CDH13: variants seen among roughly 807,000 people sequenced by gnomAD.
The protein encoded by CDH13 is cadherin 13.
In CDH13, 24 loss-of-function variants were observed where a neutral mutation model predicts 63.8. The ratio of observed to expected loss-of-function variants is 0.38; its 90% CI spans 0.27 to 0.53. CDH13 has a LOEUF of 0.53. Ranked by LOEUF, CDH13 falls within the 20% of genes least tolerant of loss-of-function variation. CDH13 has a pLI of 0.85. For missense variants in CDH13, 1,049 were observed against 903.1 expected (o/e 1.16, Z -2.07); for synonymous variants, 503 against 355.3 (o/e 1.42, Z -4.67).
chr16:83,453,767 GTATC>G (rs2072947470), intron 6 of CDH13, among the ~76,000 whole-genome samples: 1 of 115,996 alleles, frequency 8.6e-6, no homozygotes, highest in Non-Finnish European at 1.9e-5. Flanking sequence ...TCTCCACCAT[GTATC>G]TGTGAGAGCT....
chr16:83,620,015 G>A (rs772194564), intron 8 of CDH13, among the ~76,000 whole-genome samples: 9 of 152,198 alleles, frequency 5.9e-5, no homozygotes, highest in East Asian at 1.9e-4. Flanking sequence ...TGGAGAGGGC[G>A]GGAGGGGCCA....
chr16:82,999,830 G>A (rs779820669), intron 2 of CDH13, among the ~76,000 whole-genome samples: 9 of 152,038 alleles, frequency 5.9e-5, no homozygotes, highest in South Asian at 2.1e-4. Flanking sequence ...CTGCCTCTGC[G>A]GTCCTTCTAA....
At position 83,486,614 on chromosome 16, in the gene CDH13, G is replaced by C. The variant is rs747208362; in HGVS notation, c.919G>C (p.Asp307His). 4 of 1,613,836 alleles carry C rather than the reference G, an allele frequency of 2.5e-6. No individual in the cohort carries two copies. The African/African-American group carries it at 5.3e-5, about 22-fold the overall frequency. ...NMFYIDPEKG[D>H]IVTVVSPALL... ...GTTCTACATCGATCCTGAGAAAGGAGACATTGTCACTGTTGTGTCACCTGC... is the reference window on the plus strand; with the variant it reads ...GTTCTACATCGATCCTGAGAAAGGACACATTGTCACTGTTGTGTCACCTGC... The change falls in exon 7 of 14, where the codon GAC becomes CAC. Residue 307 changes from aspartate (D) to histidine (H), a missense_variant. Physicochemically the swap from Asp to His is moderately conservative, Grantham distance 81. Coordinates refer to ENST00000567109, the MANE Select transcript of CDH13 (RefSeq NM_001257.5).
At chr16:83,337,417 T>C (rs1180642291) in intron 5 of CDH13, among the ~76,000 whole-genome samples, 6 of 152,074 alleles carry the variant, frequency 3.9e-5, no homozygotes, top group African/African-American at 1.4e-4. Context: ...CCTCCCATTC[T>C]CAGGACTCAG....
chr16:83,464,558 C>G (rs1370707597), intron 6 of CDH13, among the ~76,000 whole-genome samples: 2 of 151,964 alleles, frequency 1.3e-5, no homozygotes, highest in Non-Finnish European at 2.9e-5. Flanking sequence ...TGGGATTTCA[C>G]CACATTGGCC....
chr16:83,166,341 A>G (rs9927414), intron 4 of CDH13, among the ~76,000 whole-genome samples: 2,462 of 152,212 alleles, frequency 0.016, 79 homozygotes, highest in African/African-American at 0.056. Flanking sequence ...GGGCTTAAGC[A>G]GAAATGGGCT....
At chr16:83,751,701 G>C (rs1913100439) in intron 11 of CDH13, among the ~76,000 whole-genome samples, 1 of 152,200 alleles carries the variant, frequency 6.6e-6, no homozygotes, top group Non-Finnish European at 1.5e-5. Context: ...ACGGACCAGA[G>C]GGGAAGAACC....
intron 1 of CDH13, among the ~76,000 whole-genome samples, chr16:82,700,271 A>G (rs56390925): frequency 0.096 from 14,589 of 152,204 alleles, 1,829 homozygotes; most frequent in African/African-American, 0.29. Flanking sequence ...TTCCAAATCT[A>G]CTTGACCTGG....
At chr16:83,319,441 T>C (rs1030404645) in intron 5 of CDH13, among the ~76,000 whole-genome samples, 8 of 152,186 alleles carry the variant, frequency 5.3e-5, no homozygotes, top group African/African-American at 1.9e-4. Context: ...AGTGAGCTGG[T>C]TTCTTTTTTG....
intron 2 of CDH13, among the ~76,000 whole-genome samples, chr16:82,904,660 G>A (rs982495050): frequency 6.6e-6 from 1 of 152,188 alleles, no homozygotes; most frequent in Non-Finnish European, 1.5e-5. Context: ...GGTGGGCATA[G>A]TAGTCTTTCC....
chr16:83,087,671 CAAAAAA>C (rs67228844), intron 3 of CDH13, among the ~76,000 whole-genome samples: 11 of 44,000 alleles, frequency 2.5e-4, no homozygotes, highest in African/African-American at 6.1e-4. Context: ...CCCTCCGTCT[CAAAAAA>C]AAAAAAAAAA....
In CDH13 at chr16:83,798,779, C is replaced by G. The variant is rs1217923097; in HGVS notation, c.*3749C>G. The G allele has an allele frequency of 6.6e-6, 1 of 152,080 alleles. No individual in the cohort carries two copies. The highest frequency in any genetic ancestry group is 1.5e-5 in the Non-Finnish European group (1 of 68,028). 9.4% of individuals were successfully genotyped at this position (152,080 alleles called of 1,614,324 possible). A position where few individuals can be genotyped will look rare whatever the true frequency, so the allele number is the denominator to read the frequency against. ...ACAGTACCTTTTACTATGAGGTACC[C>G]TTTACTATTAAGTACCTTTTACTAA... On this transcript the variant is annotated 3_prime_UTR_variant, in exon 14 of 14. Transcript: ENST00000567109.
At chr16:83,585,699 G>A (rs1906088323) in intron 7 of CDH13, among the ~76,000 whole-genome samples, 1 of 152,024 alleles carries the variant, frequency 6.6e-6, no homozygotes, top group Non-Finnish European at 1.5e-5. Flanking sequence ...ACTCGGTGGA[G>A]ATTGCTTAAA....
chr16:82,905,594 C>G (rs971465355), intron 2 of CDH13, among the ~76,000 whole-genome samples: 1 of 152,106 alleles, frequency 6.6e-6, no homozygotes, highest in African/African-American at 2.4e-5. Context: ...CCAGTACTGT[C>G]TCATACAAAT....
chr16:82,640,747 A>T (rs556954085), intron 1 of CDH13, among the ~76,000 whole-genome samples: 1 of 152,346 alleles, frequency 6.6e-6, no homozygotes, highest in Admixed American at 6.5e-5. Context: ...CTTTAGGGTC[A>T]CATATCACTA....
intron 1 of CDH13, among the ~76,000 whole-genome samples, chr16:82,804,726 G>A (rs1188301519): frequency 6.6e-6 from 1 of 152,126 alleles, no homozygotes; most frequent in African/African-American, 2.4e-5. Context: ...CTTCATGAAT[G>A]AAAACACTTT....
At chr16:82,849,369 G>A (rs1240185794) in intron 1 of CDH13, among the ~76,000 whole-genome samples, 1 of 152,132 alleles carries the variant, frequency 6.6e-6, no homozygotes, top group East Asian at 1.9e-4. Context: ...GGGTGTGGTG[G>A]CACGTACCTG....
chr16:83,018,974 T>G (rs1258197587), intron 2 of CDH13, among the ~76,000 whole-genome samples: 1 of 152,086 alleles, frequency 6.6e-6, no homozygotes, highest in Non-Finnish European at 1.5e-5. Context: ...AGTGAGTGAG[T>G]GGTGAGTGAA....
At chr16:83,450,753 C>A (rs1457441279) in intron 6 of CDH13, among the ~76,000 whole-genome samples, 1 of 152,072 alleles carries the variant, frequency 6.6e-6, no homozygotes, top group Non-Finnish European at 1.5e-5. Flanking sequence ...GCCTGTAGTC[C>A]CAGCTCCTTG....
Sources: gnomAD v4.1 joint callset for allele counts (sites outside exome capture counted in the v4.1 genomes callset) on GRCh38, gnomAD v4.1.1 for gene constraint, MANE v1.5 for transcripts, NCBI Gene and HGNC (gene_info 2026-07-23, HGNC 2026-07-21) for gene names.